Variants in PCAT7 observed in about 807,000 individuals in gnomAD.
PCAT7 encodes the protein prostate cancer associated transcript 7.
At chr9:94,557,633 A>G (rs1260938207) in intron 1 of PCAT7, among the ~76,000 whole-genome samples, 1 of 152,240 alleles carries the variant, frequency 6.6e-6, no homozygotes, top group African/African-American at 2.4e-5. Context: ...TGCTTCCTCC[A>G]GGGCCTTGCC....
chr9:94,556,575 T>C (rs1414861610), intron 1 of PCAT7, among the ~76,000 whole-genome samples: 1 of 152,224 alleles, frequency 6.6e-6, no homozygotes, highest in Admixed American at 6.5e-5. Flanking sequence ...TTGAATTCTT[T>C]AGATGTTTTG....
At chr9:94,565,071 T>C (rs920054851) in intron 2 of PCAT7, among the ~76,000 whole-genome samples, 2 of 152,084 alleles carry the variant, frequency 1.3e-5, no homozygotes, top group African/African-American at 2.4e-5. Context: ...TTATTATATG[T>C]CAATTAAAAA....
chr9:94,562,525 G>A (rs898645180), intron 2 of PCAT7, among the ~76,000 whole-genome samples: 1 of 152,238 alleles, frequency 6.6e-6, no homozygotes, highest in African/African-American at 2.4e-5. Context: ...CATGTGCTGT[G>A]TGAGATCTCT....
intron 2 of PCAT7, chr9:94,569,137 T>C (rs1262946227): frequency 6.6e-6 from 1 of 152,228 alleles, no homozygotes; most frequent in Non-Finnish European, 1.5e-5. Context: ...TGGATGCCAG[T>C]CTAGGAAGAC....
chr9:94,559,396 A>G (rs1312399185), intron 2 of PCAT7, among the ~76,000 whole-genome samples: 3 of 152,200 alleles, frequency 2.0e-5, no homozygotes, highest in African/African-American at 7.2e-5. Flanking sequence ...CCTTGTGCTT[A>G]TGAGAGACCT....
At chr9:94,564,498 T>C (rs1349177717) in intron 2 of PCAT7, among the ~76,000 whole-genome samples, 4 of 152,230 alleles carry the variant, frequency 2.6e-5, no homozygotes, top group Admixed American at 2.0e-4. Context: ...AATGAGATCA[T>C]GTTTTTGCAG....
chr9:94,563,806 CAT>C lies in PCAT7; in HGVS notation n.441+4658_441+4659del, dbSNP rs551768614. On this transcript the variant is annotated intron_variant and non_coding_transcript_variant, in intron 2 of 8. Coordinates refer to ENST00000647389, the Ensembl canonical transcript of PCAT7. ...TCAAAATAAAGGGATGGAAGCCAAA[CAT>C]ATAGAAAGCAGAAAAAAGCAGGGGC... is the stretch of plus-strand genomic sequence containing the variant. Among the ~76,000 whole-genome samples, 329 of 152,210 alleles carry C rather than the reference CAT, an allele frequency of 2.2e-3. 2 individuals carry two copies. The Middle Eastern group carries it at 0.024, about 11-fold the overall frequency.
intron 2 of PCAT7, among the ~76,000 whole-genome samples, chr9:94,565,205 C>G (rs551671820): frequency 1.7e-4 from 26 of 152,028 alleles, no homozygotes; most frequent in Non-Finnish European, 2.9e-4. Context: ...GAAATCCCAT[C>G]TCTACTAAAA....
At chr9:94,556,409 G>A (rs1049296585) in intron 1 of PCAT7, among the ~76,000 whole-genome samples, 2 of 151,944 alleles carry the variant, frequency 1.3e-5, no homozygotes, top group African/African-American at 4.8e-5. Flanking sequence ...GGGAGAAAAC[G>A]GTGAAAAAGT....
At chr9:94,572,321 C>T (rs1312715085) in intron 2 of PCAT7, among the ~76,000 whole-genome samples, 1 of 152,116 alleles carries the variant, frequency 6.6e-6, no homozygotes, top group African/African-American at 2.4e-5. Context: ...CCGTCTCCCA[C>T]GACACACACA....
At chr9:94,563,532 A>C in intron 2 of PCAT7, 1 of 1,563,478 alleles carries the variant, frequency 6.4e-7, no homozygotes, top group Non-Finnish European at 8.7e-7. Context: ...TCGTGGTCAC[A>C]AGTCCAGTTG....
intron 2 of PCAT7, among the ~76,000 whole-genome samples, chr9:94,567,013 G>A (rs1303651110): frequency 1.3e-5 from 2 of 152,096 alleles, no homozygotes; most frequent in Non-Finnish European, 2.9e-5. Flanking sequence ...TTGTAAATGT[G>A]ATCTCTGCCT....
intron 2 of PCAT7, chr9:94,571,725 C>T (rs1564183554): frequency 1.1e-6 from 1 of 886,776 alleles, no homozygotes. Flanking sequence ...GAATTTTAAG[C>T]TGCTGCAAAT....
intron 1 of PCAT7, chr9:94,558,936 C>T (rs755826188): frequency 7.4e-6 from 12 of 1,613,934 alleles, no homozygotes; most frequent in Non-Finnish European, 9.3e-6. Flanking sequence ...GGGTCAAACT[C>T]GCTAGCTGCC....
intron 2 of PCAT7, among the ~76,000 whole-genome samples, chr9:94,560,702 TTA>T (rs1827084555): frequency 6.8e-6 from 1 of 147,878 alleles, no homozygotes; most frequent in Non-Finnish European, 1.5e-5. Flanking sequence ...TATTATATAT[TTA>T]TATGTTATTA....
intron 2 of PCAT7, chr9:94,567,404 G>C (rs1293258808): frequency 6.2e-7 from 1 of 1,613,834 alleles, no homozygotes; most frequent in African/African-American, 1.3e-5. Context: ...AATTCACCAA[G>C]AGCCTAGCAA....
intron 2 of PCAT7, among the ~76,000 whole-genome samples, chr9:94,563,683 A>G (rs1827143183): frequency 6.6e-6 from 1 of 152,118 alleles, no homozygotes; most frequent in African/African-American, 2.4e-5. Context: ...AGGACTGCTT[A>G]AAGTATGAGA....
chr9:94,559,956 C>G (rs1423666773), intron 2 of PCAT7, among the ~76,000 whole-genome samples: 1 of 152,116 alleles, frequency 6.6e-6, no homozygotes, highest in Non-Finnish European at 1.5e-5. Context: ...GAGACCCCAT[C>G]TCTACAAAAA....
chr9:94,557,031 TTGTCTA>T (rs1356720484), intron 1 of PCAT7, among the ~76,000 whole-genome samples: 1 of 152,340 alleles, frequency 6.6e-6, no homozygotes, highest in South Asian at 2.1e-4. Context: ...TCTGTTTCAC[TTGTCTA>T]TGTCTGTCTG....
Sources: allele counts gnomAD v4.1 joint callset (sites outside exome capture counted in the v4.1 genomes callset), GRCh38; gene constraint gnomAD v4.1.1; transcripts MANE v1.5; gene names NCBI Gene and HGNC (gene_info 2026-07-23, HGNC 2026-07-21).